The following ASAP2 variants were observed in gnomAD, a reference collection of about 807,000 sequenced individuals.
ASAP2 encodes the protein ArfGAP with SH3 domain, ankyrin repeat and PH domain 2.
In ASAP2, 45 loss-of-function variants were observed where a neutral mutation model predicts 131.4. That is an observed-to-expected ratio of 0.34 (90% CI 0.27 to 0.44). The LOEUF (loss-of-function observed/expected upper bound fraction) is 0.44, where lower values mean the gene tolerates loss of function less well. ASAP2 is among the 20% of genes least tolerant of loss of function. The pLI, the probability that ASAP2 is intolerant of heterozygous loss-of-function variation, is 1.00. For synonymous variants in ASAP2, 510 were observed against 503.0 expected, an observed-to-expected ratio of 1.01 and a Z score of -0.19; for missense variants, 1,011 against 1,297.0, an observed-to-expected ratio of 0.78 and a Z score of 3.39.
At chr2:9,395,554 TTTTTG>T (rs756728313) in intron 24 of ASAP2, among the ~76,000 whole-genome samples, 1,711 of 151,154 alleles carry the variant, frequency 0.011, 19 homozygotes, top group Non-Finnish European at 0.018. Flanking sequence ...TGTTTTTGTT[TTTTTG>T]TTTTGTTTTG....
intron 2 of ASAP2, among the ~76,000 whole-genome samples, chr2:9,284,111 A>C (rs1015361749): frequency 1.3e-5 from 2 of 152,224 alleles, no homozygotes; most frequent in African/African-American, 2.4e-5. Flanking sequence ...GCTGATTAGC[A>C]ACTGTATTTC....
intron 1 of ASAP2, among the ~76,000 whole-genome samples, chr2:9,228,155 G>A (rs923433163): frequency 5.9e-5 from 9 of 152,218 alleles, no homozygotes; most frequent in African/African-American, 1.9e-4. Context: ...AATTCATGGT[G>A]TATGGTTGAT....
chr2:9,350,645 G>A (rs988085596), intron 11 of ASAP2, 163 bp from the exon 12 acceptor site: 6 of 554,294 alleles, frequency 1.1e-5, no homozygotes, highest in African/African-American at 1.9e-5. Flanking sequence ...AAAGGCCTCT[G>A]TAACTTGTCC....
At chr2:9,397,741 TATATATA>T (rs1489878021) in intron 24 of ASAP2, among the ~76,000 whole-genome samples, 2 of 93,458 alleles carry the variant, frequency 2.1e-5, no homozygotes, top group South Asian at 3.1e-4. Flanking sequence ...TATATATATA[TATATATA>T]TATTTTTTTT....
At chr2:9,279,169 C>T (rs765561824) in intron 1 of ASAP2, 148 bp from the exon 2 acceptor site, 8 of 691,422 alleles carry the variant, frequency 1.2e-5, no homozygotes, top group Middle Eastern at 2.7e-4. Flanking sequence ...AAACAGGTGC[C>T]GAGGGACCTG....
intron 1 of ASAP2, among the ~76,000 whole-genome samples, chr2:9,260,579 T>C (rs930881256): frequency 1.3e-5 from 2 of 152,138 alleles, no homozygotes; most frequent in African/African-American, 4.8e-5. Flanking sequence ...ACTCCTTTTT[T>C]AGAAAACAAT....
chr2:9,333,409 G>T (rs546538085), intron 7 of ASAP2, among the ~76,000 whole-genome samples: 31 of 152,302 alleles, frequency 2.0e-4, no homozygotes, highest in African/African-American at 6.7e-4. Context: ...AATACAAAAT[G>T]CTCTGAGAAA....
intron 1 of ASAP2, among the ~76,000 whole-genome samples, chr2:9,261,142 C>CT (rs1665551163): frequency 1.3e-5 from 2 of 152,284 alleles, no homozygotes; most frequent in African/African-American, 4.8e-5. Context: ...GCCCCCTTGC[C>CT]TGTAGCTGGG....
rs901158710 is a variant in ASAP2 at position 9,279,250 on chromosome 2, G to A, written c.127-67G>A. 3.4e-6 allele frequency: 5 copies of A among 1,487,272 alleles called. No homozygotes were observed. The South Asian group carries it at 3.4e-5, about 10-fold the overall frequency. 92.1% of individuals were successfully genotyped at this position (1,487,272 alleles called of 1,614,324 possible). ...AGAGGCAATCAGAGTGGCACTCAAC[G>A]TGGTGCTCGCTGCTAGCGTGGTCTC... On this transcript the variant is annotated intron_variant, in intron 1 of 27. Transcript: ENST00000281419.
At chr2:9,397,472 A>G (rs1297671584) in intron 24 of ASAP2, among the ~76,000 whole-genome samples, 1 of 152,084 alleles carries the variant, frequency 6.6e-6, no homozygotes, top group Non-Finnish European at 1.5e-5. Flanking sequence ...CCATGTCGTC[A>G]GCGCCCAGTG....
At chr2:9,394,677 C>G (rs1675978163) in intron 24 of ASAP2, among the ~76,000 whole-genome samples, 1 of 152,190 alleles carries the variant, frequency 6.6e-6, no homozygotes, top group Non-Finnish European at 1.5e-5. Flanking sequence ...GTATTGAAAT[C>G]CATGAGTTCA....
chr2:9,294,590 GC>G (rs1329446654), intron 2 of ASAP2, among the ~76,000 whole-genome samples: 3 of 152,154 alleles, frequency 2.0e-5, no homozygotes. Flanking sequence ...GATAATAATA[GC>G]CAACTCTTAG....
intron 15 of ASAP2, among the ~76,000 whole-genome samples, chr2:9,366,804 C>T (rs373782547): frequency 6.6e-6 from 1 of 152,164 alleles, no homozygotes; most frequent in African/African-American, 2.4e-5. Context: ...AGCTATTAGG[C>T]TACCCCACAT....
chr2:9,256,954 C>A (rs986112982), intron 1 of ASAP2, among the ~76,000 whole-genome samples: 1 of 152,230 alleles, frequency 6.6e-6, no homozygotes, highest in African/African-American at 2.4e-5. Flanking sequence ...GGGGGCAGCA[C>A]AGCTGATGGA....
In ASAP2 at chr2:9,405,273, A is replaced by C. The variant is rs1024799130; in HGVS notation, c.*1946A>C. ...CTTTCTTAGTTATTTGCTCCTTGCA[A>C]ATTAAAAAAGCAACTAAGAGAAAGA... On this transcript the variant is annotated 3_prime_UTR_variant, in exon 28 of 28. Transcript: ENST00000281419. The C allele has an allele frequency of 4.6e-5, 7 of 152,280 alleles. No individual in the cohort carries two copies. Among genetic ancestry groups the C allele is most frequent in the African/African-American group, 1.4e-4 (6 of 41,476 alleles). The allele number at this position is 152,280 out of a possible 1,614,324, so 9.4% of individuals were successfully genotyped here. A position where few individuals can be genotyped will look rare whatever the true frequency, so the allele number is the denominator to read the frequency against.
chr2:9,240,768 G>C (rs914458614), intron 1 of ASAP2, among the ~76,000 whole-genome samples: 4 of 152,138 alleles, frequency 2.6e-5, no homozygotes, highest in Non-Finnish European at 5.9e-5. Context: ...CTTAAAGGAA[G>C]TGCTGTATGA....
At chr2:9,229,346 CCACCTCTGTTGTCTT>C (rs963172945) in intron 1 of ASAP2, among the ~76,000 whole-genome samples, 66 of 152,260 alleles carry the variant, frequency 4.3e-4, no homozygotes, top group African/African-American at 1.5e-3. Context: ...AGCCTCAGCC[CCACCTCTGTTGTCTT>C]CACCCTTTGA....
At chr2:9,265,061 G>A (rs554780798) in intron 1 of ASAP2, among the ~76,000 whole-genome samples, 6 of 152,212 alleles carry the variant, frequency 3.9e-5, no homozygotes, top group Non-Finnish European at 7.4e-5. Flanking sequence ...ACTTGAGCCC[G>A]GGAGGTGGAG....
chr2:9,330,540 C>G (rs1670766172), intron 7 of ASAP2, among the ~76,000 whole-genome samples: 1 of 151,810 alleles, frequency 6.6e-6, no homozygotes, highest in African/African-American at 2.4e-5. Flanking sequence ...GCACTTGTAC[C>G]CCATGAATTT....
Sources: allele counts gnomAD v4.1 joint callset (sites outside exome capture counted in the v4.1 genomes callset), GRCh38; gene constraint gnomAD v4.1.1; transcripts MANE v1.5; gene names NCBI Gene and HGNC (gene_info 2026-07-23, HGNC 2026-07-21).